GRAP2: variants seen among roughly 807,000 people sequenced by gnomAD.
GRAP2 encodes GRB2 related adaptor protein 2, also known as GRB2-related adapter protein 2.
A neutral mutation model predicts 43.5 loss-of-function variants in GRAP2; 31 were observed. The observed-to-expected ratio is 0.71, with a 90% CI of 0.54 to 0.96. The LOEUF is 0.96. Among genes scored for constraint, GRAP2 ranks in the 40% least tolerant of loss-of-function variants. The pLI, the probability that GRAP2 is intolerant of heterozygous loss-of-function variation, is 0.00. For missense variants in GRAP2, 371 were observed against 424.4 expected (o/e 0.87, Z 1.11); for synonymous variants, 156 against 164.8 (o/e 0.95, Z 0.41).
intron 1 of GRAP2, among the ~76,000 whole-genome samples, chr22:39,902,810 A>C (rs989839163): frequency 3.9e-5 from 6 of 152,212 alleles, no homozygotes; most frequent in African/African-American, 7.2e-5. Flanking sequence ...GGATGTTGTA[A>C]GAATAAATGA....
At chr22:39,953,618 C>T (rs2067014037) in intron 2 of GRAP2, among the ~76,000 whole-genome samples, 3 of 152,162 alleles carry the variant, frequency 2.0e-5, no homozygotes, top group East Asian at 1.9e-4. Flanking sequence ...CTCTCGCTCT[C>T]TCTTAATTAG....
chr22:39,915,496 C>T (rs1171266271), intron 1 of GRAP2, among the ~76,000 whole-genome samples: 1 of 152,244 alleles, frequency 6.6e-6, no homozygotes, highest in East Asian at 1.9e-4. Context: ...TCTCGGGACT[C>T]TCAGTCTCTG....
chr22:39,904,232 A>G (rs937351337), intron 1 of GRAP2, among the ~76,000 whole-genome samples: 17 of 152,122 alleles, frequency 1.1e-4, no homozygotes, highest in African/African-American at 3.6e-4. Context: ...CTACCAAAAT[A>G]CAAAAATTAG....
intron 4 of GRAP2, 95 bp downstream of exon 4, chr22:39,960,269 T>A: frequency 8.2e-7 from 1 of 1,212,844 alleles, no homozygotes; most frequent in Non-Finnish European, 1.2e-6. Flanking sequence ...TATGACCCAA[T>A]GGTCAGAAGC....
chr22:39,960,450 C>A, intron 4 of GRAP2: 1 of 411,874 alleles, frequency 2.4e-6, no homozygotes, highest in Non-Finnish European at 4.5e-6. Context: ...CAGGATTTTC[C>A]TCTACTTCAT....
chr22:39,968,036 TC>T lies in GRAP2; in HGVS notation c.460-3del, dbSNP rs760541401. 2.5e-6 allele frequency: 4 copies of T among 1,611,576 alleles called. No homozygotes were observed. In the African/African-American group the frequency reaches 5.3e-5, roughly 22 times the overall value. Reference sequence around the variant, plus strand: ...GCATCTGCAGCATCTCTGTTCTTTCTCCCAGGGTCACCGGGGCAACAGCCTG... The same window carrying T: ...GCATCTGCAGCATCTCTGTTCTTTCTCCAGGGTCACCGGGGCAACAGCCTG... On this transcript the variant is annotated splice_polypyrimidine_tract_variant and splice_region_variant and intron_variant, in intron 5 of 7. Transcript: ENST00000344138.
chr22:39,922,714 C>A (rs2145591154), intron 1 of GRAP2, among the ~76,000 whole-genome samples: 1 of 152,206 alleles, frequency 6.6e-6, no homozygotes, highest in South Asian at 2.1e-4. Flanking sequence ...AAAGCCCACA[C>A]AAAGGAGGGC....
intron 1 of GRAP2, among the ~76,000 whole-genome samples, chr22:39,937,716 A>G (rs2066820308): frequency 1.3e-5 from 2 of 152,182 alleles, no homozygotes; most frequent in South Asian, 4.1e-4. Context: ...GAAGAAACTG[A>G]GGCACAGAGA....
At chr22:39,959,920 A>C (rs1448543020) in intron 3 of GRAP2, 135 bp from the exon 4 acceptor site, 1 of 736,654 alleles carries the variant, frequency 1.4e-6, no homozygotes, top group Non-Finnish European at 2.3e-6. Flanking sequence ...GATTTCAAAC[A>C]GCACCTGGTC....
chr22:39,940,290 A>G lies in GRAP2; in HGVS notation c.-14-6803A>G, dbSNP rs2066853928. Among the ~76,000 whole-genome samples the G allele has an allele frequency of 1.3e-5, 2 of 152,010 alleles. 1 individual carries two copies. The highest frequency in any genetic ancestry group is 4.8e-5 in the African/African-American group (2 of 41,396). On this transcript the variant is annotated intron_variant, in intron 1 of 7. Coordinates refer to ENST00000344138, the MANE Select transcript of GRAP2 (RefSeq NM_004810.4). Reference sequence around the variant, plus strand: ...TAAGCAGGGTGTCTGCTGGTTTAGAATAGAGCAAAAATATTGTCATCTGAG... The same window carrying G: ...TAAGCAGGGTGTCTGCTGGTTTAGAGTAGAGCAAAAATATTGTCATCTGAG...
rs1452494810 is a variant in GRAP2 at position 39,901,173 on chromosome 22, C to G, written c.-172C>G. ...GTTAATGGATCTGTAAACTTGCACC[C>G]TCTTTCAGAGTGGTACATGGAAGAC... On this transcript the variant is annotated 5_prime_UTR_variant, in exon 1 of 8. Transcript: ENST00000344138. 1.7e-6 allele frequency: 1 copy of G among 589,434 alleles called. No homozygotes were observed. Among genetic ancestry groups the G allele is most frequent in the Non-Finnish European group, 2.8e-6 (1 of 351,212 alleles). 36.5% of individuals were successfully genotyped at this position (589,434 alleles called of 1,614,324 possible).
At chr22:39,898,843 A>G (rs1165356947), upstream of GRAP2, among the ~76,000 whole-genome samples, 10 of 152,154 alleles carry the variant, frequency 6.6e-5, no homozygotes, top group Non-Finnish European at 1.3e-4. Context: ...AAAACAAAAC[A>G]AAACAGAAGT....
Position 39,901,155 on chromosome 22 carries a change from G to A in GRAP2, c.-190G>A, listed in dbSNP as rs576889612. 16 of 492,362 alleles carry A rather than the reference G, an allele frequency of 3.2e-5. No individual in the cohort carries two copies. The highest frequency in any genetic ancestry group is 3.1e-4 in the African/African-American group (16 of 50,860). The allele number at this position is 492,362 out of a possible 1,614,324, so 30.5% of individuals were successfully genotyped here. A position where few individuals can be genotyped will look rare whatever the true frequency, so the allele number is the denominator to read the frequency against. On this transcript the variant is annotated 5_prime_UTR_variant, in exon 1 of 8. Coordinates refer to ENST00000344138, the MANE Select transcript of GRAP2 (RefSeq NM_004810.4). ...TGGGGAGGAGGAGGCACAGTTAATG[G>A]ATCTGTAAACTTGCACCCTCTTTCA... is the stretch of plus-strand genomic sequence containing the variant.
intron 2 of GRAP2, among the ~76,000 whole-genome samples, chr22:39,953,328 A>G (rs1417381274): frequency 6.6e-6 from 1 of 152,016 alleles, no homozygotes; most frequent in Non-Finnish European, 1.5e-5. Flanking sequence ...CCTCTCATGT[A>G]TCTTCTATTT....
intron 2 of GRAP2, chr22:39,948,038 C>T (rs1296232825): frequency 6.6e-6 from 1 of 152,172 alleles, no homozygotes; most frequent in East Asian, 1.9e-4. Context: ...TCAGCAGTCC[C>T]AATGAGCCTT....
intron 1 of GRAP2, among the ~76,000 whole-genome samples, chr22:39,920,863 C>T (rs758021638): frequency 6.6e-5 from 10 of 151,784 alleles, no homozygotes; most frequent in Non-Finnish European, 1.0e-4. Context: ...GACTTACTGT[C>T]TCATTAGCAG....
intron 2 of GRAP2, among the ~76,000 whole-genome samples, chr22:39,953,477 C>T (rs560661180): frequency 1.5e-4 from 23 of 152,298 alleles, no homozygotes; most frequent in Middle Eastern, 3.4e-3. Context: ...AATATATCCT[C>T]ACCTCCTCTT....
chr22:39,911,934 GAGA>G (rs1365775685), intron 1 of GRAP2, among the ~76,000 whole-genome samples: 3 of 152,204 alleles, frequency 2.0e-5, no homozygotes. Context: ...AGTAAAATCT[GAGA>G]AGAACAGATC....
Position 39,960,104 on chromosome 22 carries a change from G to A in GRAP2, c.220G>A (p.Gly74Ser). 6.2e-7 allele frequency: 1 copy of A among 1,612,964 alleles called. No homozygotes were observed. The highest frequency in any genetic ancestry group is 8.5e-7 in the Non-Finnish European group (1 of 1,178,932). ...SRHQAENLLM[G>S]KEVGFFIIRA... The stretch of plus-strand genomic sequence containing the variant: ...ACACCAGGCAGAGAACTTACTCATG[G>A]GCAAGGAGGTTGGCTTCTTCATCAT... The change falls in exon 4 of 8, where the codon GGC becomes AGC. Residue 74 changes from glycine (G) to serine (S), a missense_variant. By Grantham distance (56) the Gly-to-Ser change is moderately conservative. Coordinates refer to ENST00000344138, the MANE Select transcript of GRAP2 (RefSeq NM_004810.4).
Sources: gnomAD v4.1 joint callset for allele counts (sites outside exome capture counted in the v4.1 genomes callset) on GRCh38, gnomAD v4.1.1 for gene constraint, MANE v1.5 for transcripts, NCBI Gene and HGNC (gene_info 2026-07-23, HGNC 2026-07-21) for gene names.